ACTR3C: variants seen among roughly 807,000 people sequenced by gnomAD.
ACTR3C encodes actin-related protein 3C.
In ACTR3C, 18 loss-of-function variants were observed where a neutral mutation model predicts 26.3. The ratio of observed to expected loss-of-function variants is 0.68; its 90% confidence interval spans 0.47 to 1.01. The LOEUF is 1.01. Ranked by LOEUF, ACTR3C falls within the 50% of genes least tolerant of loss-of-function variation. ACTR3C has a pLI of 0.00. For synonymous variants in ACTR3C, 55 were observed against 94.5 expected (o/e 0.58, Z 2.42); for missense variants, 184 against 250.7 (o/e 0.73, Z 1.80).
the ACTR3C span, among the ~76,000 whole-genome samples, chr7:150,178,504 G>A: frequency 2.0e-5 from 3 of 150,116 alleles, no homozygotes; most frequent in Non-Finnish European, 2.9e-5. Flanking sequence ...GGCTGGTCTC[G>A]AACTCCTGAC....
chr7:150,036,327 C>A, the ACTR3C span, among the ~76,000 whole-genome samples: 1 of 143,844 alleles, frequency 7.0e-6, no homozygotes, highest in Non-Finnish European at 1.6e-5. Context: ...GGGGGGCCAT[C>A]CTTTAGCAAC....
At chr7:149,927,619 T>C in the ACTR3C span, among the ~76,000 whole-genome samples, 1 of 151,332 alleles carries the variant, frequency 6.6e-6, no homozygotes, top group Non-Finnish European at 1.5e-5. Context: ...TCCCAGCTAC[T>C]TGGGAGGCTG....
At chr7:150,037,802 G>A in the ACTR3C span, among the ~76,000 whole-genome samples, 2 of 44,710 alleles carry the variant, frequency 4.5e-5, no homozygotes, top group African/African-American at 1.1e-4. Flanking sequence ...CCCAGAGCCA[G>A]CGGGGGAAGA....
chr7:150,023,029 C>T, the ACTR3C span, among the ~76,000 whole-genome samples: 1 of 151,234 alleles, frequency 6.6e-6, no homozygotes, highest in African/African-American at 2.4e-5. Flanking sequence ...AAAATATCAT[C>T]TTCATCCTTC....
chr7:150,316,808 T>C (rs984867352), intron 1 of ACTR3C, among the ~76,000 whole-genome samples: 1 of 152,124 alleles, frequency 6.6e-6, no homozygotes, highest in Non-Finnish European at 1.5e-5. Context: ...TAAAAGTTCC[T>C]CTTGGAATTT....
At chr7:150,119,399 CA>C in the ACTR3C span, among the ~76,000 whole-genome samples, 1 of 152,056 alleles carries the variant, frequency 6.6e-6, no homozygotes, top group Non-Finnish European at 1.5e-5. Context: ...GAAAATTAAC[CA>C]AGCAAATAGA....
the ACTR3C span, among the ~76,000 whole-genome samples, chr7:149,968,902 G>T: frequency 6.6e-6 from 1 of 152,106 alleles, no homozygotes; most frequent in Admixed American, 6.5e-5. Flanking sequence ...CTCCTGTGTT[G>T]CCAGGCATCC....
At chr7:149,971,634 G>A in the ACTR3C span, among the ~76,000 whole-genome samples, 1 of 152,184 alleles carries the variant, frequency 6.6e-6, no homozygotes, top group African/African-American at 2.4e-5. Flanking sequence ...AAAGGACTTC[G>A]AAGAATGAGT....
At chr7:150,133,563 C>A in the ACTR3C span, among the ~76,000 whole-genome samples, 19 of 152,184 alleles carry the variant, frequency 1.2e-4, no homozygotes, top group African/African-American at 4.1e-4. Flanking sequence ...TGGAATATGA[C>A]CCCAACTGCA....
intron 6 of ACTR3C, among the ~76,000 whole-genome samples, chr7:150,270,366 ACCAACTC>A (rs1204912320): frequency 2.7e-5 from 4 of 150,606 alleles, no homozygotes; most frequent in Admixed American, 6.6e-5. Flanking sequence ...AATTCCACAC[ACCAACTC>A]CTTTCACCTT....
the ACTR3C span, among the ~76,000 whole-genome samples, chr7:150,068,783 A>C: frequency 1.4e-3 from 86 of 63,668 alleles, no homozygotes; most frequent in African/African-American, 7.8e-3. Context: ...ACTCCGTCCC[A>C]AAAAAAAAAA....
the ACTR3C span, among the ~76,000 whole-genome samples, chr7:150,132,300 C>T: frequency 3.3e-5 from 5 of 152,330 alleles, no homozygotes; most frequent in African/African-American, 1.2e-4. Flanking sequence ...ATATAGGTTG[C>T]ATAGCTCTCT....
the ACTR3C span, among the ~76,000 whole-genome samples, chr7:150,195,228 C>G: frequency 6.6e-6 from 1 of 151,200 alleles, no homozygotes; most frequent in Non-Finnish European, 1.5e-5. Flanking sequence ...ACCATAGATA[C>G]CTTTTAACCA....
chr7:150,014,455 CAAAAAA>C, the ACTR3C span, among the ~76,000 whole-genome samples: 2 of 111,678 alleles, frequency 1.8e-5, no homozygotes, highest in African/African-American at 3.4e-5. Flanking sequence ...GACTCCGTCT[CAAAAAA>C]AAAAAAAAAA....
Position 150,295,273 on chromosome 7 carries a change from T to C in ACTR3C, c.24A>G (p.Pro8=). The C allele has an allele frequency of 1.2e-6, 2 of 1,614,040 alleles. No homozygotes were observed. Among genetic ancestry groups the C allele is most frequent in the African/African-American group, 2.7e-5 (2 of 75,068 alleles). MFESFNV[P]GLYIAVQAVL... ...TTACCTGAACTGCAATGTAGAGTCC[T>C]GGAACGTTAAATGATTCGAACATAA... The change falls in exon 2 of 8, where the codon CCA becomes CCG. Residue 8 remains proline (P), a synonymous_variant. Transcript: ENST00000683684.
chr7:149,971,754 C>T, the ACTR3C span, among the ~76,000 whole-genome samples: 1 of 152,194 alleles, frequency 6.6e-6, no homozygotes, highest in African/African-American at 2.4e-5. Context: ...TTTACCCTTT[C>T]GTGTGCCCTG....
At chr7:150,064,215 GC>G in the ACTR3C span, among the ~76,000 whole-genome samples, 2 of 148,812 alleles carry the variant, frequency 1.3e-5, no homozygotes, top group African/African-American at 5.0e-5. Context: ...CCCCAAAATA[GC>G]TGTAAGCAAG....
At chr7:150,227,428 A>C in the ACTR3C span, among the ~76,000 whole-genome samples, 22,561 of 149,598 alleles carry the variant, frequency 0.15, 2,630 homozygotes, top group African/African-American at 0.32. Flanking sequence ...TTCACTTAGC[A>C]TAATGTCCTC....
chr7:149,969,021 T>G, the ACTR3C span, among the ~76,000 whole-genome samples: 2 of 151,844 alleles, frequency 1.3e-5, no homozygotes, highest in Admixed American at 1.3e-4. Flanking sequence ...GGAACAAAGA[T>G]TTCAGCTTCT....
Sources: gnomAD v4.1 joint callset for allele counts (sites outside exome capture counted in the v4.1 genomes callset) on GRCh38, gnomAD v4.1.1 for gene constraint, MANE v1.5 for transcripts, NCBI Gene and HGNC (gene_info 2026-07-23, HGNC 2026-07-21) for gene names.